The following EXOC4 variants were observed in gnomAD, a reference collection of about 807,000 sequenced individuals.
EXOC4 encodes the protein exocyst complex component 4.
In EXOC4, 71 loss-of-function variants were observed where a neutral mutation model predicts 107.2. The observed-to-expected ratio is 0.66, with a 90% CI of 0.55 to 0.81. EXOC4 has a LOEUF of 0.81. EXOC4 is among the 30% of genes least tolerant of loss of function. The probability of loss-of-function intolerance (pLI) is 0.00; values close to 1 mark genes in which losing one functional copy is unlikely to be tolerated. For missense variants in EXOC4, 1,108 were observed against 1,189.6 expected, an observed-to-expected ratio of 0.93 and a Z score of 1.01; for synonymous variants, 456 against 441.2, an observed-to-expected ratio of 1.03 and a Z score of -0.42.
At chr7:133,410,855 A>G (rs1797340322) in intron 7 of EXOC4, among the ~76,000 whole-genome samples, 2 of 152,188 alleles carry the variant, frequency 1.3e-5, no homozygotes, top group Admixed American at 1.3e-4. Context: ...CATTAAAATT[A>G]TTTGAAGATA....
At chr7:134,071,990 C>G in the EXOC4 span, among the ~76,000 whole-genome samples, 1 of 152,214 alleles carries the variant, frequency 6.6e-6, no homozygotes, top group African/African-American at 2.4e-5. Flanking sequence ...TTGGGGCCAC[C>G]ATTGCCCACT....
intron 6 of EXOC4, among the ~76,000 whole-genome samples, chr7:133,359,682 G>A (rs1427668715): frequency 6.6e-6 from 1 of 152,100 alleles, no homozygotes. Context: ...TGGTTGTGAT[G>A]CATTGCAGGC....
chr7:133,532,488 C>G (rs1293895265), intron 9 of EXOC4, among the ~76,000 whole-genome samples: 3 of 152,064 alleles, frequency 2.0e-5, no homozygotes, highest in African/African-American at 7.2e-5. Context: ...TTCCTGGGTG[C>G]CAAGTGGTTT....
intron 17 of EXOC4, among the ~76,000 whole-genome samples, chr7:134,046,807 A>G (rs1293590793): frequency 2.6e-5 from 4 of 152,224 alleles, no homozygotes; most frequent in South Asian, 2.1e-4. Context: ...TCTAAACACC[A>G]GCAAGCTCTC....
At chr7:133,286,888 A>T (rs1482078800) in intron 2 of EXOC4, among the ~76,000 whole-genome samples, 1 of 152,110 alleles carries the variant, frequency 6.6e-6, no homozygotes, top group Non-Finnish European at 1.5e-5. Flanking sequence ...ATCCTGTCCA[A>T]TTCAGTTGCT....
intron 1 of EXOC4, among the ~76,000 whole-genome samples, chr7:133,254,440 A>G (rs941217323): frequency 2.6e-5 from 4 of 152,202 alleles, no homozygotes; most frequent in Non-Finnish European, 5.9e-5. Context: ...TCATGATACT[A>G]AAATTCCAAT....
chr7:133,927,664 AAAAGG>A (rs1800082531), intron 13 of EXOC4, among the ~76,000 whole-genome samples: 1 of 152,232 alleles, frequency 6.6e-6, no homozygotes, highest in African/African-American at 2.4e-5. Flanking sequence ...ATATAATTAT[AAAAGG>A]AAAGATAAAT....
At chr7:133,931,232 G>A (rs765759927) in intron 13 of EXOC4, among the ~76,000 whole-genome samples, 3 of 152,000 alleles carry the variant, frequency 2.0e-5, no homozygotes, top group South Asian at 2.1e-4. Flanking sequence ...GTGCCTAGCC[G>A]GTTTTATTGT....
intron 7 of EXOC4, among the ~76,000 whole-genome samples, chr7:133,387,778 A>G (rs1256006494): frequency 6.6e-6 from 1 of 152,184 alleles, no homozygotes; most frequent in African/African-American, 2.4e-5. Flanking sequence ...AAAACACTGC[A>G]GAACAGTTTA....
chr7:133,579,415 C>T (rs1304065269), intron 9 of EXOC4, among the ~76,000 whole-genome samples: 1 of 152,156 alleles, frequency 6.6e-6, no homozygotes, highest in Non-Finnish European at 1.5e-5. Context: ...TGTTGAAATA[C>T]TCTAATGTTT....
intron 11 of EXOC4, among the ~76,000 whole-genome samples, chr7:133,849,683 C>T (rs554797690): frequency 3.3e-5 from 5 of 152,328 alleles, no homozygotes; most frequent in Admixed American, 2.6e-4. Flanking sequence ...TTCATTTTCT[C>T]TCTCTTTCCC....
At chr7:133,385,554 T>C (rs1796709258) in intron 7 of EXOC4, among the ~76,000 whole-genome samples, 1 of 152,254 alleles carries the variant, frequency 6.6e-6, no homozygotes, top group East Asian at 1.9e-4. Flanking sequence ...TTTGTTCAAG[T>C]GAGTTAATTC....
chr7:133,367,189 T>A lies in EXOC4; in HGVS notation c.1008-7639T>A, dbSNP rs76990748. 3.4e-3 allele frequency among the ~76,000 whole-genome samples: 518 copies of A among 152,250 alleles called. 9 individuals carry two copies. The highest frequency in any genetic ancestry group is 0.026 in the East Asian group (136 of 5,184). Reference sequence around the variant, plus strand: ...GCTAAGGGATATGTGTGTGAGTTGATAGCAGGTAGATAATTGAAGATTAGG... The same window carrying A: ...GCTAAGGGATATGTGTGTGAGTTGAAAGCAGGTAGATAATTGAAGATTAGG... On this transcript the variant is annotated intron_variant, in intron 6 of 17. Transcript: ENST00000253861.
At chr7:134,060,841 A>G (rs905170242) in intron 17 of EXOC4, among the ~76,000 whole-genome samples, 5 of 152,194 alleles carry the variant, frequency 3.3e-5, no homozygotes, top group African/African-American at 1.2e-4. Context: ...ATATATCAGC[A>G]TGGTTATGGA....
intron 9 of EXOC4, among the ~76,000 whole-genome samples, chr7:133,514,851 C>T (rs1799842817): frequency 6.6e-6 from 1 of 151,998 alleles, no homozygotes; most frequent in Admixed American, 6.5e-5. Context: ...TATTTTTGAT[C>T]CAGTACTTTA....
chr7:134,091,372 G>A, the EXOC4 span, among the ~76,000 whole-genome samples: 1 of 152,148 alleles, frequency 6.6e-6, no homozygotes, highest in Non-Finnish European at 1.5e-5. Flanking sequence ...AAACTGTCTT[G>A]GCACTGGTGA....
intron 7 of EXOC4, among the ~76,000 whole-genome samples, chr7:133,435,432 T>C (rs1219202790): frequency 6.6e-6 from 1 of 152,206 alleles, no homozygotes; most frequent in Non-Finnish European, 1.5e-5. Context: ...ACTATTGTGG[T>C]ATAAGCTGCA....
chr7:133,370,004 A>G (rs529431243), intron 6 of EXOC4, among the ~76,000 whole-genome samples: 4 of 151,946 alleles, frequency 2.6e-5, no homozygotes, highest in African/African-American at 9.6e-5. Flanking sequence ...GGGTTTCTCC[A>G]TGTTGGTCAG....
At chr7:133,755,364 G>A (rs1795893607) in intron 10 of EXOC4, among the ~76,000 whole-genome samples, 1 of 107,606 alleles carries the variant, frequency 9.3e-6, no homozygotes, top group South Asian at 2.7e-4. Flanking sequence ...TTTGGCGGGG[G>A]GACAGAGTCT....
Sources: gnomAD v4.1 joint callset for allele counts (sites outside exome capture counted in the v4.1 genomes callset) on GRCh38, gnomAD v4.1.1 for gene constraint, MANE v1.5 for transcripts, NCBI Gene and HGNC (gene_info 2026-07-23, HGNC 2026-07-21) for gene names.